The following TNFRSF21 variants were observed in gnomAD, a reference collection of about 807,000 sequenced individuals.
TNFRSF21 encodes TNF receptor superfamily member 21.
TNFRSF21 carries 19 observed loss-of-function variants against 45.6 expected under a neutral mutation model. That is an observed-to-expected ratio of 0.42 (90% CI 0.29 to 0.61). The LOEUF (loss-of-function observed/expected upper bound fraction) is 0.61, where lower values mean the gene tolerates loss of function less well. TNFRSF21 is among the 20% of genes least tolerant of loss of function. TNFRSF21 has a pLI of 0.23. For missense variants in TNFRSF21, 737 were observed against 851.5 expected (o/e 0.87, Z 1.67); for synonymous variants, 314 against 335.5 (o/e 0.94, Z 0.70).
intron 5 of TNFRSF21, among the ~76,000 whole-genome samples, chr6:47,233,690 T>C (rs1280504989): frequency 6.7e-6 from 1 of 150,204 alleles, no homozygotes; most frequent in Admixed American, 6.6e-5. Flanking sequence ...TATGTAAATG[T>C]AAAATAGATT....
intron 4 of TNFRSF21, among the ~76,000 whole-genome samples, chr6:47,245,904 TGTCTTACATG>T (rs1354309602): frequency 2.0e-5 from 3 of 152,176 alleles, no homozygotes; most frequent in African/African-American, 7.2e-5. Context: ...GAAGCAGGCA[TGTCTTACATG>T]GTCAGAGCAG....
chr6:47,245,869 TATAATC>T lies in TNFRSF21; in HGVS notation c.1509+7381_1509+7386del, dbSNP rs904504751. On this transcript the variant is annotated intron_variant, in intron 4 of 5. Transcript: ENST00000296861. ...ATGACTGGGGAGGCTTCAGGAAACT[TATAATC>T]ATGGCAGAAGGCAAAGGGGAAGCAG... is the stretch of plus-strand genomic sequence containing the variant. Among the ~76,000 whole-genome samples, 180 of 152,312 alleles carry T rather than the reference TATAATC, an allele frequency of 1.2e-3. 1 individual carries two copies. Among genetic ancestry groups the T allele is most frequent in the African/African-American group, 4.0e-3 (168 of 41,564 alleles).
At chr6:47,263,478 A>T (rs538971984) in intron 3 of TNFRSF21, among the ~76,000 whole-genome samples, 14 of 152,250 alleles carry the variant, frequency 9.2e-5, no homozygotes, top group African/African-American at 3.4e-4. Flanking sequence ...TGAATCCTGG[A>T]GCTCTCCACT....
intron 4 of TNFRSF21, among the ~76,000 whole-genome samples, chr6:47,244,043 T>A (rs114751061): frequency 6.6e-6 from 1 of 152,124 alleles, no homozygotes; most frequent in Non-Finnish European, 1.5e-5. Flanking sequence ...GTCTTCAGGC[T>A]GGGCGCGGTG....
chr6:47,235,121 G>A (rs1375419268), intron 4 of TNFRSF21, among the ~76,000 whole-genome samples: 1 of 152,076 alleles, frequency 6.6e-6, no homozygotes, highest in Admixed American at 6.6e-5. Context: ...AAACGGGGAG[G>A]CATATGAACC....
intron 1 of TNFRSF21, among the ~76,000 whole-genome samples, chr6:47,302,677 C>T (rs539438556): frequency 6.6e-6 from 1 of 152,312 alleles, no homozygotes; most frequent in East Asian, 1.9e-4. Flanking sequence ...CATCGTGGAG[C>T]AGAACTGCTC....
At chr6:47,265,878 G>C (rs1361630909) in intron 3 of TNFRSF21, among the ~76,000 whole-genome samples, 1 of 152,144 alleles carries the variant, frequency 6.6e-6, no homozygotes, top group African/African-American at 2.4e-5. Context: ...AAGTGTCAAA[G>C]TGCTAATGTA....
chr6:47,263,993 T>C (rs767701459), intron 3 of TNFRSF21, among the ~76,000 whole-genome samples: 17 of 152,234 alleles, frequency 1.1e-4, no homozygotes, highest in South Asian at 2.1e-4. Flanking sequence ...TACATTGCCA[T>C]GTTAGCCACC....
intron 3 of TNFRSF21, among the ~76,000 whole-genome samples, chr6:47,256,674 T>G (rs1204746690): frequency 1.3e-5 from 2 of 152,222 alleles, no homozygotes; most frequent in African/African-American, 4.8e-5. Flanking sequence ...TACAGAGCTT[T>G]TGATTTCAAG....
At chr6:47,306,334 T>C (rs1179963231) in intron 1 of TNFRSF21, among the ~76,000 whole-genome samples, 1 of 152,246 alleles carries the variant, frequency 6.6e-6, no homozygotes, top group Non-Finnish European at 1.5e-5. Context: ...TCTCTGTTGT[T>C]ACATTTCATT....
intron 3 of TNFRSF21, among the ~76,000 whole-genome samples, chr6:47,256,832 AC>A (rs968518396): frequency 1.3e-5 from 2 of 152,166 alleles, no homozygotes; most frequent in African/African-American, 4.8e-5. Flanking sequence ...GATCAATTTG[AC>A]TAAGGTCCAC....
intron 3 of TNFRSF21, among the ~76,000 whole-genome samples, chr6:47,281,091 G>A (rs1367284814): frequency 1.3e-5 from 2 of 152,022 alleles, no homozygotes; most frequent in Admixed American, 6.6e-5. Context: ...TCTACCAAGG[G>A]CCTTATTGGG....
intron 1 of TNFRSF21, among the ~76,000 whole-genome samples, chr6:47,294,460 G>A (rs541357100): frequency 3.4e-4 from 51 of 152,238 alleles, no homozygotes; most frequent in African/African-American, 1.1e-3. Context: ...GTTTAAAAGC[G>A]AGCAGGAGAA....
Position 47,253,356 on chromosome 6 carries a change from C to T in TNFRSF21, c.1409G>A (p.Gly470Asp), listed in dbSNP as rs1561940876. ...YAALQHWTIRGPEASLAQLIS... is the reference protein window; with the variant it reads ...YAALQHWTIRDPEASLAQLIS... Reference sequence around the variant, plus strand: ...TAGCTGGGCGAGGCTGGCCTCGGGGCCCCGGATGGTCCAGTGCTGCAGAGC... The same window carrying T: ...TAGCTGGGCGAGGCTGGCCTCGGGGTCCCGGATGGTCCAGTGCTGCAGAGC... Residue 470 changes from glycine to aspartate, a missense_variant, in exon 4 of 6, where the codon GGC becomes GAC. Physicochemically the swap from Gly to Asp is moderately conservative, Grantham distance 94 (BLOSUM62 -1). Transcript: ENST00000296861. 2 of 1,614,042 alleles carry T rather than the reference C, an allele frequency of 1.2e-6. No homozygotes were observed. Among genetic ancestry groups the T allele is most frequent in the Admixed American group, 1.7e-5 (1 of 60,010 alleles).
intron 3 of TNFRSF21, among the ~76,000 whole-genome samples, chr6:47,268,297 C>T (rs990811030): frequency 6.6e-6 from 1 of 152,178 alleles, no homozygotes; most frequent in African/African-American, 2.4e-5. Flanking sequence ...TAGAACAGTG[C>T]CTGGAACATC....
intron 3 of TNFRSF21, among the ~76,000 whole-genome samples, chr6:47,258,136 G>A (rs1765016106): frequency 6.6e-6 from 1 of 152,080 alleles, no homozygotes; most frequent in African/African-American, 2.4e-5. Context: ...TTGGGAGGCT[G>A]AGGTGAGTGG....
At chr6:47,264,852 C>T (rs928591755) in intron 3 of TNFRSF21, among the ~76,000 whole-genome samples, 12 of 152,272 alleles carry the variant, frequency 7.9e-5, no homozygotes, top group Middle Eastern at 3.4e-3. Context: ...AAAATGACTG[C>T]GGCTGTCAGC....
intron 3 of TNFRSF21, among the ~76,000 whole-genome samples, chr6:47,272,445 TA>T (rs1473637487): frequency 6.6e-6 from 1 of 152,086 alleles, no homozygotes; most frequent in Admixed American, 6.5e-5. Context: ...AAGGCAGAAA[TA>T]AAGATGTTCT....
rs1021236900 is a variant in TNFRSF21 at position 47,259,479 on chromosome 6, A to G, written c.1244-5958T>C. ...AACCTCCACCTCCTGGGTTCAAGAG[A>G]TTCTCCGGCCTCAGGCTCCCGAGTA... is the stretch of plus-strand genomic sequence containing the variant. On this transcript the variant is annotated intron_variant, in intron 3 of 5. Transcript: ENST00000296861. 1.3e-4 allele frequency among the ~76,000 whole-genome samples: 19 copies of G among 151,684 alleles called. 1 individual carries two copies. Among genetic ancestry groups the G allele is most frequent in the African/African-American group, 4.4e-4 (18 of 41,244 alleles).
Sources: gnomAD v4.1 joint callset for allele counts (sites outside exome capture counted in the v4.1 genomes callset) on GRCh38, gnomAD v4.1.1 for gene constraint, MANE v1.5 for transcripts, NCBI Gene and HGNC (gene_info 2026-07-23, HGNC 2026-07-21) for gene names.